The following C2CD2 variants were observed in gnomAD, a reference collection of about 807,000 sequenced individuals.
C2CD2 encodes C2 domain-containing protein 2.
C2CD2 carries 43 observed loss-of-function variants against 74.3 expected under a neutral mutation model. That is an observed-to-expected ratio of 0.58 (90% confidence interval 0.45 to 0.75). The LOEUF is 0.75. C2CD2 is among the 30% of genes least tolerant of loss of function. The pLI, the probability that C2CD2 is intolerant of heterozygous loss-of-function variation, is 0.00. For synonymous variants in C2CD2, 422 were observed against 390.7 expected, an observed-to-expected ratio of 1.08 and a Z score of -0.94; for missense variants, 801 against 916.3, an observed-to-expected ratio of 0.87 and a Z score of 1.63.
intron 2 of C2CD2, among the ~76,000 whole-genome samples, chr21:41,940,131 T>C (rs907049400): frequency 6.6e-6 from 1 of 152,154 alleles, no homozygotes; most frequent in Non-Finnish European, 1.5e-5. Flanking sequence ...AAAGATCTGA[T>C]ACCCGAAACA....
chr21:41,926,345 G>C lies in C2CD2; in HGVS notation c.379-4260C>G, dbSNP rs1339615022. On this transcript the variant is annotated intron_variant, in intron 2 of 13. Coordinates refer to ENST00000380486, the MANE Select transcript of C2CD2 (RefSeq NM_015500.2). The surrounding 1 kb of genome is among the most constrained non-coding windows in gnomAD (Gnocchi z 8.0). ...TAAGTGACAGAGTGTTTTTCGGAGTGGGGGGCTATTCACGGTAAGTCAGGG... is the reference window on the plus strand; with the variant it reads ...TAAGTGACAGAGTGTTTTTCGGAGTCGGGGGCTATTCACGGTAAGTCAGGG... The C allele has an allele frequency of 1.1e-5, 6 of 544,814 alleles. No homozygotes were observed. Among genetic ancestry groups the C allele is most frequent in the South Asian group, 8.0e-5 (1 of 12,524 alleles). The allele number at this position is 544,814 out of a possible 1,614,324, so 33.7% of individuals were successfully genotyped here.
In C2CD2 at chr21:41,920,473, T is replaced by C. The variant is rs147931862; in HGVS notation, c.492+1499A>G. 2.3e-3 allele frequency among the ~76,000 whole-genome samples: 347 copies of C among 152,366 alleles called. 1 individual carries two copies. Among genetic ancestry groups the C allele is most frequent in the African/African-American group, 7.8e-3 (325 of 41,594 alleles). ...TAGAAGCAGGGTAAGAGAAAAACGA[T>C]GACTTCTACTTCATAACTGTCTCCA... On this transcript the variant is annotated intron_variant, in intron 3 of 13. Transcript: ENST00000380486.
In C2CD2 at chr21:41,903,871, G is replaced by A. The variant is rs2064928998; in HGVS notation, c.1432+1853C>T. Reference sequence around the variant, plus strand: ...CCTGCCCACGTGACAGGACCCCGCAGCATGGGCAGTGGGGGCACTGCCAGG... The same window carrying A: ...CCTGCCCACGTGACAGGACCCCGCAACATGGGCAGTGGGGGCACTGCCAGG... On this transcript the variant is annotated intron_variant, in intron 11 of 13. Transcript: ENST00000380486. The surrounding 1 kb of genome is among the most constrained non-coding windows in gnomAD (Gnocchi z 4.5). 6.6e-6 allele frequency among the ~76,000 whole-genome samples: 1 copy of A among 152,204 alleles called. No individual in the cohort carries two copies. Among genetic ancestry groups the A allele is most frequent in the Non-Finnish European group, 1.5e-5 (1 of 68,020 alleles).
At position 41,901,714 on chromosome 21, in the gene C2CD2, C is replaced by T. The variant is rs1241949802; in HGVS notation, c.1468G>A (p.Glu490Lys). Residue 490 changes from glutamate (E) to lysine (K), a missense_variant, in exon 12 of 14, where the codon GAA becomes AAA. Physicochemically the swap from Glu to Lys is moderately conservative, Grantham distance 56. Coordinates refer to ENST00000380486, the MANE Select transcript of C2CD2 (RefSeq NM_015500.2). ...LVLNGSDPVA[E>K]VAIRQLSESS... ...TCACTGAGCTGTCGAATGGCCACTTCAGCCACTGGATCCGAACCATTCAAC... is the reference window on the plus strand; with the variant it reads ...TCACTGAGCTGTCGAATGGCCACTTTAGCCACTGGATCCGAACCATTCAAC... 1.2e-6 allele frequency: 2 copies of T among 1,613,882 alleles called. No individual in the cohort carries two copies. Among genetic ancestry groups the T allele is most frequent in the Non-Finnish European group, 8.5e-7 (1 of 1,179,742 alleles).
chr21:41,947,164 CCTT>C (rs1410874551), intron 1 of C2CD2, among the ~76,000 whole-genome samples: 2 of 141,506 alleles, frequency 1.4e-5, no homozygotes, highest in Non-Finnish European at 3.1e-5. Flanking sequence ...CTCCCTCTCT[CCTT>C]CTTTTTTGAG....
chr21:41,895,025 C>A lies in C2CD2; in HGVS notation c.1870+4028G>T. 2.2e-6 allele frequency: 1 copy of A among 449,934 alleles called. No homozygotes were observed. The highest frequency in any genetic ancestry group is 4.5e-6 in the Non-Finnish European group (1 of 222,454). The allele number at this position is 449,934 out of a possible 1,614,324, so 27.9% of individuals were successfully genotyped here. On this transcript the variant is annotated intron_variant, in intron 13 of 13. Transcript: ENST00000380486. This position sits in a 1 kb window ranked among gnomAD's most constrained non-coding sequence, Gnocchi z 5.0. ...ATTCAACAGAACACGCACTGAGGTGCGGCTGGGAAGGCATTGTGTAGATGT... is the reference window on the plus strand; with the variant it reads ...ATTCAACAGAACACGCACTGAGGTGAGGCTGGGAAGGCATTGTGTAGATGT...
intron 4 of C2CD2, 50 bp downstream of exon 4, chr21:41,918,806 C>G: frequency 7.2e-7 from 1 of 1,390,400 alleles, no homozygotes; most frequent in South Asian, 1.2e-5. Context: ...TGTCCTAACA[C>G]ACGTGCGTTC....
chr21:41,892,890 G>A lies in C2CD2; in HGVS notation c.1871-3546C>T, dbSNP rs2064772378. ...GCCGGCAGACCACAGGGCTGTGTGGGTAGAAGCTGACGCAGCCCACCCGCA... is the reference window on the plus strand; with the variant it reads ...GCCGGCAGACCACAGGGCTGTGTGGATAGAAGCTGACGCAGCCCACCCGCA... On this transcript the variant is annotated intron_variant, in intron 13 of 13. Coordinates refer to ENST00000380486, the MANE Select transcript of C2CD2 (RefSeq NM_015500.2). This position sits in a 1 kb window ranked among gnomAD's most constrained non-coding sequence, Gnocchi z 4.6. Among the ~76,000 whole-genome samples the A allele has an allele frequency of 6.6e-6, 1 of 152,260 alleles. No individual in the cohort carries two copies. Among genetic ancestry groups the A allele is most frequent in the Non-Finnish European group, 1.5e-5 (1 of 68,052 alleles).
chr21:41,950,413 C>G (rs1239238026), intron 1 of C2CD2, among the ~76,000 whole-genome samples: 1 of 152,116 alleles, frequency 6.6e-6, no homozygotes, highest in East Asian at 1.9e-4. Flanking sequence ...TAATTTAGAC[C>G]CCTTTCTGGA....
At chr21:41,901,411 A>C in intron 12 of C2CD2, 2 of 609,472 alleles carry the variant, frequency 3.3e-6, no homozygotes, top group Non-Finnish European at 5.9e-6. Flanking sequence ...CTGATTAGAA[A>C]GTCTCCCATG....
intron 11 of C2CD2, among the ~76,000 whole-genome samples, chr21:41,904,254 C>T (rs1168162892): frequency 3.3e-5 from 5 of 152,170 alleles, no homozygotes; most frequent in African/African-American, 1.2e-4. Flanking sequence ...TTTGCAACTG[C>T]CATGGCAAAG....
chr21:41,909,563 A>G (rs1340190019), intron 7 of C2CD2, 40 bp from the exon 8 acceptor site: 8 of 1,301,876 alleles, frequency 6.1e-6, no homozygotes, highest in South Asian at 1.2e-5. Flanking sequence ...AAAAAATGCA[A>G]TGCTTGATTC....
At chr21:41,913,037 C>T (rs8134375) in intron 6 of C2CD2, among the ~76,000 whole-genome samples, 64,935 of 152,104 alleles carry the variant, frequency 0.43, 14,124 homozygotes, top group South Asian at 0.48. Flanking sequence ...AGCGTGGGCT[C>T]CCAGGGGGAC....
At position 41,899,214 on chromosome 21, in the gene C2CD2, A is replaced by C; in HGVS notation, c.1709T>G (p.Leu570Arg). The C allele has an allele frequency of 6.2e-7, 1 of 1,612,394 alleles. No individual in the cohort carries two copies. The highest frequency in any genetic ancestry group is 8.5e-7 in the Non-Finnish European group (1 of 1,179,446). ...CTCGTCCTCCTGGGGCTTGGGGGCA[A>C]GGGATGCCTGGGCTGACTCGGCTTC... ...PEEAESAQAS[L>R]APKPQEDELD... Residue 570 changes from leucine to arginine, a missense_variant, in exon 13 of 14, where the codon CTT becomes CGT. Coordinates refer to ENST00000380486, the MANE Select transcript of C2CD2 (RefSeq NM_015500.2). The surrounding 1 kb of genome is among the most constrained non-coding windows in gnomAD (Gnocchi z 4.4).
rs527418304 is a variant in C2CD2 at position 41,931,760 on chromosome 21, G to A, written c.379-9675C>T. Among the ~76,000 whole-genome samples, 74 of 150,178 alleles carry A rather than the reference G, an allele frequency of 4.9e-4. 2 individuals carry two copies. Among genetic ancestry groups the A allele is most frequent in the South Asian group, 4.5e-3 (21 of 4,668 alleles). ...TGCTGACAAAAGGGCTGTTGGGGGG[G>A]ACCCCAGATAGCACCAGGATGGGGG... is the stretch of plus-strand genomic sequence containing the variant. On this transcript the variant is annotated intron_variant, in intron 2 of 13. Transcript: ENST00000380486.
At chr21:41,937,412 A>T (rs1306518822) in intron 2 of C2CD2, among the ~76,000 whole-genome samples, 3 of 152,234 alleles carry the variant, frequency 2.0e-5, no homozygotes. Flanking sequence ...CCACCTTCAC[A>T]ACATTTTTCT....
At chr21:41,941,958 G>T (rs915835) in intron 2 of C2CD2, among the ~76,000 whole-genome samples, 189 bp downstream of exon 2, 1,795 of 152,288 alleles carry the variant, frequency 0.012, 44 homozygotes, top group African/African-American at 0.041. Flanking sequence ...TTTGAAGGCG[G>T]AATAACGTCC....
rs1309815474 is a variant in C2CD2 at position 41,899,755 on chromosome 21, C to T, written c.1561-393G>A. Among the ~76,000 whole-genome samples the T allele has an allele frequency of 6.6e-6, 1 of 152,304 alleles. No homozygotes were observed. The highest frequency in any genetic ancestry group is 2.1e-4 in the South Asian group (1 of 4,818). On this transcript the variant is annotated intron_variant, in intron 12 of 13. Transcript: ENST00000380486. The surrounding 1 kb of genome is among the most constrained non-coding windows in gnomAD (Gnocchi z 4.4). Reference sequence around the variant, plus strand: ...CCGTGGGTGTTTCGGGTTTAGCTGTCTTTGTTCCTACACGTTTATGTTACC... The same window carrying T: ...CCGTGGGTGTTTCGGGTTTAGCTGTTTTTGTTCCTACACGTTTATGTTACC...
chr21:41,941,430 T>G (rs1158434564), intron 2 of C2CD2, among the ~76,000 whole-genome samples: 1 of 152,192 alleles, frequency 6.6e-6, no homozygotes, highest in Non-Finnish European at 1.5e-5. Context: ...CTTTTATGCT[T>G]TATGCTATCT....
Sources: allele counts gnomAD v4.1 joint callset (sites outside exome capture counted in the v4.1 genomes callset), GRCh38; gene constraint gnomAD v4.1.1; non-coding constraint Gnocchi (gnomAD v3.1); transcripts MANE v1.5; gene names NCBI Gene and HGNC (gene_info 2026-07-23, HGNC 2026-07-21).